Variants in INTS1 observed in about 807,000 individuals in gnomAD.
INTS1 encodes the protein integrator complex subunit 1.
Under a neutral mutation model 241.6 loss-of-function variants are expected in INTS1, and 137 were observed. The observed-to-expected ratio is 0.57, with a 90% CI of 0.49 to 0.65. INTS1 has a LOEUF of 0.65. Ranked by LOEUF, INTS1 falls within the 30% of genes least tolerant of loss-of-function variation. The probability of loss-of-function intolerance (pLI) is 0.00; values close to 1 mark genes in which losing one functional copy is unlikely to be tolerated. For missense variants in INTS1, 3,073 were observed against 3,032.2 expected (o/e 1.01, Z -0.32); for synonymous variants, 1,692 against 1,337.8 (o/e 1.26, Z -5.78).
rs542322561 is a variant in INTS1, at chr7:1,478,096, A to AGGAGAGTGCGGCCGGGGCT, written c.4631-179_4631-161dup. 7.2e-5 allele frequency among the ~76,000 whole-genome samples: 11 copies of AGGAGAGTGCGGCCGGGGCT among 152,036 alleles called. No homozygotes were observed. The South Asian group carries it at 2.1e-3, about 29-fold the overall frequency. ...GAGGAGAGTGCAGCCGGGGCCGGAG[A>AGGAGAGTGCGGCCGGGGCT]GGAGAGTGCGGCCGGGGCTGGAGAG... On this transcript the variant is annotated intron_variant, in intron 33 of 47. Transcript: ENST00000404767.
intron 10 of INTS1, among the ~76,000 whole-genome samples, chr7:1,498,008 G>C (rs1259815186): frequency 6.6e-6 from 1 of 152,208 alleles, no homozygotes; most frequent in East Asian, 1.9e-4. Flanking sequence ...GAGCCCAGGA[G>C]TTTGAGACCA....
chr7:1,503,652 G>A (rs556924187), intron 2 of INTS1, among the ~76,000 whole-genome samples: 1 of 152,182 alleles, frequency 6.6e-6, no homozygotes, highest in Admixed American at 6.5e-5. Flanking sequence ...TTCCGCTACT[G>A]TCGGCCGCCT....
rs1447727398 is a variant in INTS1, at chr7:1,479,565, C to A, written c.4194G>T (p.Val1398=). 6.5e-7 allele frequency: 1 copy of A among 1,549,400 alleles called. No individual in the cohort carries two copies. Among genetic ancestry groups the A allele is most frequent in the Non-Finnish European group, 8.7e-7 (1 of 1,148,436 alleles). Reference sequence around the variant, plus strand: ...GCAGGACACGCACCGTGATGCCCGGCACCTCGGGGCTGCCCTGGACGACGC... The same window carrying A: ...GCAGGACACGCACCGTGATGCCCGGAACCTCGGGGCTGCCCTGGACGACGC... ...LARVVQGSPE[V]PGITVRVLQA... Residue 1398 remains valine, a synonymous_variant, in exon 31 of 48, where the codon GTG becomes GTT. Transcript: ENST00000404767.
At chr7:1,484,594 ATG>A (rs1034423540) in intron 24 of INTS1, among the ~76,000 whole-genome samples, 11 of 147,758 alleles carry the variant, frequency 7.4e-5, no homozygotes, top group South Asian at 4.3e-4. Flanking sequence ...AGCGCCACAC[ATG>A]TGAGCTAGAG....
At chr7:1,485,240 G>C (rs766962762) in intron 23 of INTS1, 38 bp from the exon 24 acceptor site, 11 of 1,597,468 alleles carry the variant, frequency 6.9e-6, no homozygotes, top group Non-Finnish European at 8.5e-6. Context: ...ACAGGGCAGG[G>C]CTGCGGCCCT....
chr7:1,500,048 G>A (rs1270499687), intron 4 of INTS1, 27 bp from the exon 5 acceptor site: 1 of 1,609,568 alleles, frequency 6.2e-7, no homozygotes, highest in Non-Finnish European at 8.5e-7. Context: ...ATGTCACGTG[G>A]GAGCTTCGCT....
Position 1,502,895 on chromosome 7 carries a change from C to G in INTS1, c.349+6G>C. On this transcript the variant is annotated splice_donor_region_variant and intron_variant, in intron 3 of 47. Coordinates refer to ENST00000404767, the MANE Select transcript of INTS1 (RefSeq NM_001080453.3). ...TGTTCTCGGGGGATGTCCACAGACT[C>G]ATTACCTTCAATTGGCACCACAGAT... The G allele has an allele frequency of 3.1e-6, 5 of 1,613,668 alleles. No individual in the cohort carries two copies. The highest frequency in any genetic ancestry group is 4.2e-6 in the Non-Finnish European group (5 of 1,179,774).
intron 13 of INTS1, 37 bp from the exon 14 acceptor site, chr7:1,494,930 G>A: frequency 6.5e-7 from 1 of 1,547,874 alleles, no homozygotes; most frequent in Non-Finnish European, 8.7e-7. Flanking sequence ...TCATGATGTG[G>A]GTGCTCAGGG....
In INTS1 at chr7:1,501,562, C is replaced by T. The variant is rs146127219; in HGVS notation, c.350-1196G>A. On this transcript the variant is annotated intron_variant, in intron 3 of 47. Coordinates refer to ENST00000404767, the MANE Select transcript of INTS1 (RefSeq NM_001080453.3). ...ACTCAGAATACGCTTTTCATAACCACGTCTCCTCTCATCTTCAAAACCTCC... is the reference window on the plus strand; with the variant it reads ...ACTCAGAATACGCTTTTCATAACCATGTCTCCTCTCATCTTCAAAACCTCC... Among the ~76,000 whole-genome samples the T allele has an allele frequency of 4.6e-5, 7 of 152,232 alleles. No homozygotes were observed. The East Asian group carries it at 1.4e-3, about 29-fold the overall frequency.
rs1444122420 is a variant in INTS1, at chr7:1,472,388, T to TG, written c.6071-3dup. The TG allele has an allele frequency of 2.0e-6, 3 of 1,534,740 alleles. No individual in the cohort carries two copies. The highest frequency in any genetic ancestry group is 2.0e-5 in the Admixed American group (1 of 50,930). On this transcript the variant is annotated splice_region_variant and splice_polypyrimidine_tract_variant and intron_variant, in intron 43 of 47. Transcript: ENST00000404767. ...GCAAGGAGCCGGCTGAGCTCTCCTC[T>TG]GGAAGACAGTGGCAGTGCTGCAGGA...
Position 1,497,343 on chromosome 7 carries a change from C to A in INTS1, c.1426-29G>T. 1 of 1,599,020 alleles carries A rather than the reference C, an allele frequency of 6.3e-7. No individual in the cohort carries two copies. The stretch of plus-strand genomic sequence containing the variant: ...GGGCAGAGAGAGGCCGCGTGGGAGG[C>A]TGCCCGACAGTGCTGTCCCTGTCAC... On this transcript the variant is annotated intron_variant, in intron 10 of 47. Coordinates refer to ENST00000404767, the MANE Select transcript of INTS1 (RefSeq NM_001080453.3). The surrounding 1 kb of genome is among the most constrained non-coding windows in gnomAD (Gnocchi z 5.3).
At position 1,476,010 on chromosome 7, in the gene INTS1, G is replaced by T. The variant is rs769720372; in HGVS notation, c.5440C>A (p.Arg1814=). The T allele has an allele frequency of 1.3e-6, 2 of 1,545,802 alleles. No homozygotes were observed. Residue 1814 remains arginine (R), a synonymous_variant, in exon 39 of 48, where the codon CGG becomes AGG. Coordinates refer to ENST00000404767, the MANE Select transcript of INTS1 (RefSeq NM_001080453.3). ...AGTAGGACCTCAGGCACGGGCACCC[G>T]CAGCTCCGGCCGCTGTAGGTAGAGC... ...LQLYLQRPEL[R]VPVPEVLLHS...
chr7:1,479,773 G>T, intron 30 of INTS1, 89 bp from the exon 31 acceptor site: 1 of 1,330,874 alleles, frequency 7.5e-7, no homozygotes, highest in African/African-American at 1.5e-5. Context: ...GCAGCTCCGT[G>T]CCAGAACCGC....
At chr7:1,474,058 G>A (rs1781595822) in intron 41 of INTS1, 110 bp downstream of exon 41, 2 of 1,279,198 alleles carry the variant, frequency 1.6e-6, no homozygotes, top group Non-Finnish European at 2.1e-6. Context: ...GCCTGGCCTG[G>A]GCCCTGGCTG....
chr7:1,489,547 C>G, intron 17 of INTS1, 44 bp downstream of exon 17: 3 of 1,528,570 alleles, frequency 2.0e-6, no homozygotes, highest in Non-Finnish European at 2.7e-6. Context: ...GAATAAGGAC[C>G]AGCAGGGCCA....
chr7:1,481,586 A>G lies in INTS1; in HGVS notation c.3704-98T>C. The G allele has an allele frequency of 2.3e-6, 3 of 1,327,410 alleles. No homozygotes were observed. Among genetic ancestry groups the G allele is most frequent in the South Asian group, 3.0e-5 (2 of 66,286 alleles). 82.2% of individuals were successfully genotyped at this position (1,327,410 alleles called of 1,614,324 possible). On this transcript the variant is annotated intron_variant, in intron 27 of 47. Coordinates refer to ENST00000404767, the MANE Select transcript of INTS1 (RefSeq NM_001080453.3). The surrounding 1 kb of genome is among the most constrained non-coding windows in gnomAD (Gnocchi z 6.8). ...GGGGCTGCCTGTGTGCAGTGACCCC[A>G]CCCACCTGAGACCCTGGGCCACGTG...
intron 18 of INTS1, among the ~76,000 whole-genome samples, chr7:1,488,353 T>C (rs1249639773): frequency 6.6e-6 from 1 of 152,132 alleles, no homozygotes. Flanking sequence ...GCAGGGACTC[T>C]CTTGCCTACA....
In INTS1 at chr7:1,493,247, G is replaced by A; in HGVS notation, c.2069-141C>T. 1 of 654,720 alleles carries A rather than the reference G, an allele frequency of 1.5e-6. No homozygotes were observed. The highest frequency in any genetic ancestry group is 1.9e-5 in the South Asian group (1 of 53,134). 40.6% of individuals were successfully genotyped at this position (654,720 alleles called of 1,614,324 possible). The stretch of plus-strand genomic sequence containing the variant: ...GTGGGGCGCAGGCCTGAGCAGGAGA[G>A]CTGGGGGAAGCTTGGCTTCTCACTG... On this transcript the variant is annotated intron_variant, in intron 15 of 47. Transcript: ENST00000404767. The surrounding 1 kb of genome is among the most constrained non-coding windows in gnomAD (Gnocchi z 5.3).
Position 1,475,972 on chromosome 7 carries a change from C to A in INTS1, c.5478G>T (p.Gly1826=). 1 of 1,543,542 alleles carries A rather than the reference C, an allele frequency of 6.5e-7. No homozygotes were observed. The highest frequency in any genetic ancestry group is 1.2e-5 in the South Asian group (1 of 84,014). ...PVPEVLLHSE[G]AASSSVCKLD... ...CCTTGCAGACGCTGCTGCTGGCAGCCCCTTCGCTGTGCAGTAGGACCTCAG... is the reference window on the plus strand; with the variant it reads ...CCTTGCAGACGCTGCTGCTGGCAGCACCTTCGCTGTGCAGTAGGACCTCAG... The change falls in exon 39 of 48, where the codon GGG becomes GGT. Residue 1826 remains glycine (G), a synonymous_variant. Coordinates refer to ENST00000404767, the MANE Select transcript of INTS1 (RefSeq NM_001080453.3).
Sources: gnomAD v4.1 joint callset for allele counts (sites outside exome capture counted in the v4.1 genomes callset) on GRCh38, gnomAD v4.1.1 for gene constraint, Gnocchi (gnomAD v3.1) non-coding constraint, MANE v1.5 for transcripts, NCBI Gene and HGNC (gene_info 2026-07-23, HGNC 2026-07-21) for gene names.